Variants in GAB1 observed in about 807,000 individuals in gnomAD.
GAB1 encodes the protein GRB2-associated-binding protein 1.
A neutral mutation model predicts 66.5 loss-of-function variants in GAB1; 19 were observed. That is an observed-to-expected ratio of 0.29 (90% confidence interval 0.20 to 0.42). GAB1 has a LOEUF of 0.42. Among genes scored for constraint, GAB1 ranks in the 10% least tolerant of loss-of-function variants. The pLI is 1.00. For missense variants in GAB1, 732 were observed against 858.5 expected (o/e 0.85, Z 1.84); for synonymous variants, 294 against 301.4 (o/e 0.98, Z 0.25).
At chr4:143,382,184 T>C (rs973751381) in intron 1 of GAB1, among the ~76,000 whole-genome samples, 2 of 152,276 alleles carry the variant, frequency 1.3e-5, no homozygotes, top group Admixed American at 1.3e-4. Flanking sequence ...TGTTTTGTTA[T>C]GCACTTTCTT....
At chr4:143,432,576 A>G (rs943427611) in intron 2 of GAB1, among the ~76,000 whole-genome samples, 3 of 150,444 alleles carry the variant, frequency 2.0e-5, no homozygotes, top group African/African-American at 7.5e-5. Flanking sequence ...GTTTCAACCC[A>G]GCTTTTTCTG....
intron 6 of GAB1, among the ~76,000 whole-genome samples, chr4:143,446,602 G>C (rs1172354446): frequency 6.6e-6 from 1 of 152,342 alleles, no homozygotes; most frequent in East Asian, 1.9e-4. Flanking sequence ...CTTTTGAGAA[G>C]TGTCTGTTCA....
intron 1 of GAB1, among the ~76,000 whole-genome samples, chr4:143,413,483 A>C (rs1336389898): frequency 6.6e-6 from 1 of 152,146 alleles, no homozygotes; most frequent in African/African-American, 2.4e-5. Context: ...GTGAAGAATG[A>C]GAAGTTAATT....
intron 1 of GAB1, among the ~76,000 whole-genome samples, chr4:143,386,977 G>A (rs986427052): frequency 3.9e-5 from 6 of 152,136 alleles, no homozygotes; most frequent in Admixed American, 3.9e-4. Flanking sequence ...AATGAACATG[G>A]GAGGAGCAAC....
chr4:143,419,373 T>G (rs987044912), intron 2 of GAB1, among the ~76,000 whole-genome samples: 1 of 152,116 alleles, frequency 6.6e-6, no homozygotes, highest in Non-Finnish European at 1.5e-5. Flanking sequence ...AAAGAAGAAC[T>G]AGATAAGCAT....
intron 1 of GAB1, among the ~76,000 whole-genome samples, chr4:143,368,800 C>T (rs534816403): frequency 6.6e-6 from 1 of 152,188 alleles, no homozygotes; most frequent in East Asian, 1.9e-4. Context: ...TAAAGAAATA[C>T]GAACTCTTTT....
At chr4:143,443,301 C>T (rs1734340505) in intron 6 of GAB1, among the ~76,000 whole-genome samples, 1 of 152,046 alleles carries the variant, frequency 6.6e-6, no homozygotes, top group African/African-American at 2.4e-5. Context: ...CAGGCGTGAG[C>T]CACTGTGCCC....
chr4:143,457,216 T>C (rs1735236522), intron 6 of GAB1, among the ~76,000 whole-genome samples: 1 of 152,178 alleles, frequency 6.6e-6, no homozygotes, highest in South Asian at 2.1e-4. Flanking sequence ...AAAGTAATAT[T>C]ACAAGGACGT....
rs964424230 is a variant in GAB1, at chr4:143,415,149, G to A, written c.73-328G>A. 2.6e-5 allele frequency among the ~76,000 whole-genome samples: 4 copies of A among 152,058 alleles called. 1 individual carries two copies. Among genetic ancestry groups the A allele is most frequent in the Admixed American group, 2.0e-4 (3 of 15,264 alleles). On this transcript the variant is annotated intron_variant, in intron 1 of 9. Transcript: ENST00000262994. ...TCATTCTTTTGCGTATGGATTTCTA[G>A]TTTTCCTAACACCATTTGTTGAAAC...
chr4:143,349,995 C>G (rs1185782127), intron 1 of GAB1: 2 of 1,580,192 alleles, frequency 1.3e-6, no homozygotes, highest in Non-Finnish European at 1.7e-6. Context: ...TATCCTCGGC[C>G]TTGCCTCCGC....
chr4:143,420,026 C>T (rs1027142431), intron 2 of GAB1, among the ~76,000 whole-genome samples: 2 of 152,068 alleles, frequency 1.3e-5, no homozygotes, highest in African/African-American at 4.8e-5. Flanking sequence ...TTTAATATGA[C>T]AAGGTAAACA....
Position 143,337,108 on chromosome 4 carries a change from G to T in GAB1, c.-81G>T. 1 of 1,289,984 alleles carries T rather than the reference G, an allele frequency of 7.8e-7. No homozygotes were observed. 79.9% of individuals were successfully genotyped at this position (1,289,984 alleles called of 1,614,324 possible). A position where few individuals can be genotyped will look rare whatever the true frequency, so the allele number is the denominator to read the frequency against. On this transcript the variant is annotated 5_prime_UTR_variant, in exon 1 of 10. Coordinates refer to ENST00000262994, the MANE Select transcript of GAB1 (RefSeq NM_002039.4). Reference sequence around the variant, plus strand: ...AGGAGAGCTAGGTTCTCGCCACTGCGCGCTCGGCAGGCGTCGGCTGTGTCG... The same window carrying T: ...AGGAGAGCTAGGTTCTCGCCACTGCTCGCTCGGCAGGCGTCGGCTGTGTCG...
intron 1 of GAB1, among the ~76,000 whole-genome samples, chr4:143,356,929 G>T (rs1009953590): frequency 2.6e-5 from 4 of 152,028 alleles, no homozygotes; most frequent in Non-Finnish European, 5.9e-5. Context: ...AACCTTTTTT[G>T]TGTGTGTTTT....
chr4:143,387,333 G>A (rs533941831), intron 1 of GAB1, among the ~76,000 whole-genome samples: 3 of 152,312 alleles, frequency 2.0e-5, no homozygotes, highest in African/African-American at 4.8e-5. Flanking sequence ...ATTTCTCCAT[G>A]TTGGTCAGGC....
Position 143,424,815 on chromosome 4 carries a change from C to T in GAB1, c.368-8676C>T, listed in dbSNP as rs1158196104. On this transcript the variant is annotated intron_variant, in intron 2 of 9. Transcript: ENST00000262994. ...ACTAAAAATACAAAAGTTAGCTGGG[C>T]GTGGTGGCGTGTGCCTGTAGTCCCA... is the stretch of plus-strand genomic sequence containing the variant. 1.8e-5 allele frequency: 6 copies of T among 326,576 alleles called. No homozygotes were observed. In the East Asian group the frequency reaches 2.9e-4, roughly 16 times the overall value. The allele number at this position is 326,576 out of a possible 1,614,324, so 20.2% of individuals were successfully genotyped here.
intron 2 of GAB1, among the ~76,000 whole-genome samples, chr4:143,427,566 C>G (rs1733432105): frequency 6.6e-6 from 1 of 152,056 alleles, no homozygotes; most frequent in Middle Eastern, 3.4e-3. Flanking sequence ...ACAACAAAAC[C>G]TTTTACCCTT....
chr4:143,453,325 G>A (rs1194301840), intron 6 of GAB1, among the ~76,000 whole-genome samples: 2 of 151,676 alleles, frequency 1.3e-5, no homozygotes, highest in African/African-American at 4.8e-5. Context: ...TTTCTAATAC[G>A]AAAACCAAGG....
chr4:143,368,588 A>G (rs1176079969), intron 1 of GAB1, among the ~76,000 whole-genome samples: 1 of 152,192 alleles, frequency 6.6e-6, no homozygotes, highest in African/African-American at 2.4e-5. Context: ...TTGGCAGTAG[A>G]TTCCTTCGGA....
chr4:143,362,421 A>G (rs1209053641), intron 1 of GAB1, among the ~76,000 whole-genome samples: 3 of 152,088 alleles, frequency 2.0e-5, no homozygotes, highest in African/African-American at 7.2e-5. Flanking sequence ...GTAAAGGAAT[A>G]AAGAATGGCT....
Sources: allele counts gnomAD v4.1 joint callset (sites outside exome capture counted in the v4.1 genomes callset), GRCh38; gene constraint gnomAD v4.1.1; transcripts MANE v1.5; gene names NCBI Gene and HGNC (gene_info 2026-07-23, HGNC 2026-07-21).